The following KIAA0825 variants were observed in gnomAD, a reference collection of about 807,000 sequenced individuals.
KIAA0825 encodes uncharacterized protein KIAA0825.
In KIAA0825, 119 loss-of-function variants were observed where a neutral mutation model predicts 147.6. The observed-to-expected ratio is 0.81, with a 90% CI of 0.69 to 0.94. The LOEUF (loss-of-function observed/expected upper bound fraction) is 0.94, where lower values mean the gene tolerates loss of function less well. KIAA0825 is among the 40% of genes least tolerant of loss of function. KIAA0825 has a pLI of 0.00. For synonymous variants in KIAA0825, 470 were observed against 518.1 expected, an observed-to-expected ratio of 0.91 and a Z score of 1.26; for missense variants, 1,381 against 1,472.7, an observed-to-expected ratio of 0.94 and a Z score of 1.02.
chr5:94,255,768 G>C (rs1049769515), intron 20 of KIAA0825, among the ~76,000 whole-genome samples: 34 of 127,984 alleles, frequency 2.7e-4, no homozygotes, highest in Non-Finnish European at 4.7e-4. Flanking sequence ...GCCCAGGCTG[G>C]AGTGCAATGG....
chr5:94,435,755 C>T (rs1367117468), intron 14 of KIAA0825, among the ~76,000 whole-genome samples: 1 of 152,118 alleles, frequency 6.6e-6, no homozygotes, highest in Admixed American at 6.5e-5. Flanking sequence ...AAAATTGCTC[C>T]TTTTTCTCCA....
At chr5:94,262,690 G>A (rs953914071) in intron 20 of KIAA0825, among the ~76,000 whole-genome samples, 22 of 152,094 alleles carry the variant, frequency 1.4e-4, no homozygotes, top group Admixed American at 1.3e-3. Context: ...CAGTTCGTTC[G>A]ATATGCCTTA....
intron 20 of KIAA0825, among the ~76,000 whole-genome samples, chr5:94,361,085 A>G (rs1744992983): frequency 6.6e-6 from 1 of 152,234 alleles, no homozygotes; most frequent in Non-Finnish European, 1.5e-5. Flanking sequence ...TCTAGCAATG[A>G]GACATTCAGC....
intron 14 of KIAA0825, 91 bp from the exon 15 acceptor site, chr5:94,417,456 G>T: frequency 1.0e-6 from 1 of 983,416 alleles, no homozygotes; most frequent in Non-Finnish European, 1.4e-6. Context: ...CTAGCATAAT[G>T]CTGTGGAAAT....
At chr5:94,540,001 A>G (rs1772960263) in intron 2 of KIAA0825, among the ~76,000 whole-genome samples, 1 of 152,120 alleles carries the variant, frequency 6.6e-6, no homozygotes, top group Non-Finnish European at 1.5e-5. Context: ...GAGCTGATGG[A>G]ACTGCTGGAA....
At chr5:94,413,846 G>T (rs1562473523) in intron 15 of KIAA0825, 1 of 152,162 alleles carries the variant, frequency 6.6e-6, no homozygotes, top group African/African-American at 2.4e-5. Flanking sequence ...GGTGACAAAA[G>T]GCTCAGAATA....
chr5:94,363,174 CTT>C (rs70978103), intron 20 of KIAA0825, among the ~76,000 whole-genome samples: 170 of 135,004 alleles, frequency 1.3e-3, no homozygotes, highest in East Asian at 7.3e-3. Context: ...AACCAGTTTT[CTT>C]TTTTTTTTTT....
chr5:94,537,837 G>T (rs1772399231), intron 2 of KIAA0825, among the ~76,000 whole-genome samples: 1 of 152,004 alleles, frequency 6.6e-6, no homozygotes, highest in African/African-American at 2.4e-5. Flanking sequence ...TACTCACCTG[G>T]AAATTGTAGC....
chr5:94,356,838 C>T (rs1380574990), intron 20 of KIAA0825, among the ~76,000 whole-genome samples: 2 of 147,232 alleles, frequency 1.4e-5, no homozygotes, highest in Non-Finnish European at 3.0e-5. Context: ...GATTCTCCTG[C>T]ATCAGCCTCC....
At chr5:94,379,888 C>G (rs1748147638) in intron 20 of KIAA0825, among the ~76,000 whole-genome samples, 1 of 110,056 alleles carries the variant, frequency 9.1e-6, no homozygotes, top group Non-Finnish European at 1.7e-5. Flanking sequence ...GAGTCTTGCT[C>G]TCTAGCCCAG....
chr5:94,565,009 C>CCT (rs147820367), intron 2 of KIAA0825, among the ~76,000 whole-genome samples: 8,122 of 116,636 alleles, frequency 0.07, 395 homozygotes, highest in Admixed American at 0.11. Flanking sequence ...TCTCTCTCTC[C>CCT]CTCTCTCTCT....
At chr5:94,522,369 C>T (rs1157005726) in intron 4 of KIAA0825, among the ~76,000 whole-genome samples, 1 of 151,528 alleles carries the variant, frequency 6.6e-6, no homozygotes, top group Non-Finnish European at 1.5e-5. Flanking sequence ...TAGGACACAT[C>T]AGCATTACTG....
intron 20 of KIAA0825, among the ~76,000 whole-genome samples, chr5:94,192,790 G>C (rs532599697): frequency 6.6e-6 from 1 of 152,136 alleles, no homozygotes; most frequent in African/African-American, 2.4e-5. Flanking sequence ...CTTCCCCTCA[G>C]GTACACTCTC....
chr5:94,579,780 T>A (rs575093164), intron 2 of KIAA0825, among the ~76,000 whole-genome samples: 3 of 152,200 alleles, frequency 2.0e-5, no homozygotes, highest in Non-Finnish European at 2.9e-5. Context: ...GTTTAAAAAA[T>A]TTTATTTCAA....
chr5:94,429,879 G>A (rs1157905404), intron 14 of KIAA0825, among the ~76,000 whole-genome samples: 1 of 152,226 alleles, frequency 6.6e-6, no homozygotes, highest in Non-Finnish European at 1.5e-5. Context: ...TAATCTAGGA[G>A]AGTGGGTGCT....
chr5:94,174,902 T>G (rs1441926384), intron 20 of KIAA0825, among the ~76,000 whole-genome samples: 7 of 152,274 alleles, frequency 4.6e-5, no homozygotes, highest in African/African-American at 1.7e-4. Flanking sequence ...ACTGACTCAC[T>G]CTCACAGCTA....
chr5:94,526,211 A>G (rs2151254633), intron 3 of KIAA0825, among the ~76,000 whole-genome samples: 1 of 152,132 alleles, frequency 6.6e-6, no homozygotes, highest in East Asian at 1.9e-4. Flanking sequence ...CTTAATTTTC[A>G]CCATTTAAAA....
intron 20 of KIAA0825, among the ~76,000 whole-genome samples, chr5:94,296,634 C>T (rs972569824): frequency 4.6e-5 from 7 of 152,114 alleles, no homozygotes; most frequent in African/African-American, 1.2e-4. Context: ...AATTCCCTCA[C>T]GGCTTCCCTT....
chr5:94,472,981 A>T (rs1761409379), intron 8 of KIAA0825, among the ~76,000 whole-genome samples: 1 of 152,000 alleles, frequency 6.6e-6, no homozygotes, highest in Non-Finnish European at 1.5e-5. Context: ...AACCTCCTAA[A>T]TTTTCCTGGA....
Sources: gnomAD v4.1 joint callset for allele counts (sites outside exome capture counted in the v4.1 genomes callset) on GRCh38, gnomAD v4.1.1 for gene constraint, MANE v1.5 for transcripts, NCBI Gene and HGNC (gene_info 2026-07-23, HGNC 2026-07-21) for gene names.